Variants in PSD3 observed in about 807,000 individuals in gnomAD.
The protein encoded by PSD3 is PH and SEC7 domain-containing protein 3.
A neutral mutation model predicts 105.5 loss-of-function variants in PSD3; 49 were observed. That is an observed-to-expected ratio of 0.46 (90% CI 0.37 to 0.59). The LOEUF is 0.59. Ranked by LOEUF, PSD3 falls within the 20% of genes least tolerant of loss-of-function variation. PSD3 has a pLI of 0.00. For missense variants in PSD3, 1,561 were observed against 1,263.8 expected (o/e 1.24, Z -3.57); for synonymous variants, 557 against 457.8 (o/e 1.22, Z -2.77).
At chr8:18,579,749 C>A (rs1006353135) in intron 12 of PSD3, among the ~76,000 whole-genome samples, 15 of 152,092 alleles carry the variant, frequency 9.9e-5, no homozygotes, top group African/African-American at 1.4e-4. Context: ...ATATAAACTA[C>A]AATTTGGAAA....
At chr8:18,596,162 CA>C (rs35307260) in intron 12 of PSD3, among the ~76,000 whole-genome samples, 68 of 150,240 alleles carry the variant, frequency 4.5e-4, no homozygotes, top group African/African-American at 1.6e-3. Context: ...ATCAATGGGT[CA>C]AAAAAAAATC....
chr8:18,870,446 A>G (rs1378661252), intron 3 of PSD3, among the ~76,000 whole-genome samples: 1 of 152,146 alleles, frequency 6.6e-6, no homozygotes, highest in East Asian at 1.9e-4. Context: ...TTCAATCATA[A>G]AGGCCATAAA....
chr8:18,624,894 T>C (rs1806369200), intron 11 of PSD3, among the ~76,000 whole-genome samples: 1 of 152,018 alleles, frequency 6.6e-6, no homozygotes, highest in African/African-American at 2.4e-5. Flanking sequence ...AATATGTATG[T>C]ATATACGTAT....
chr8:19,043,110 G>A (rs1828182603), intron 1 of PSD3, among the ~76,000 whole-genome samples: 1 of 152,194 alleles, frequency 6.6e-6, no homozygotes, highest in African/African-American at 2.4e-5. Flanking sequence ...TAGAATTCCT[G>A]TAAAGACCCA....
At chr8:18,712,113 A>G (rs1311315095) in intron 9 of PSD3, among the ~76,000 whole-genome samples, 1 of 152,214 alleles carries the variant, frequency 6.6e-6, no homozygotes, top group African/African-American at 2.4e-5. Context: ...TCTCTGGGAC[A>G]CAGCTAAAGC....
intron 4 of PSD3, among the ~76,000 whole-genome samples, chr8:18,816,329 G>A (rs1812220658): frequency 6.6e-6 from 1 of 152,176 alleles, no homozygotes; most frequent in South Asian, 2.1e-4. Context: ...GAGGTATGGT[G>A]CAGTTAAATA....
intron 1 of PSD3, among the ~76,000 whole-genome samples, chr8:19,028,430 G>T (rs1827647103): frequency 6.6e-6 from 1 of 151,296 alleles, no homozygotes; most frequent in Non-Finnish European, 1.5e-5. Context: ...GTAACTCACT[G>T]CAGCCTCAAG....
At chr8:18,784,835 T>C (rs1416138875) in intron 8 of PSD3, among the ~76,000 whole-genome samples, 3 of 152,106 alleles carry the variant, frequency 2.0e-5, no homozygotes, top group East Asian at 1.9e-4. Context: ...CCAAACCCCA[T>C]ACTTTGGGTT....
chr8:18,966,932 A>C (rs1356277968), intron 1 of PSD3, among the ~76,000 whole-genome samples: 2 of 152,154 alleles, frequency 1.3e-5, no homozygotes, highest in Non-Finnish European at 2.9e-5. Context: ...GGGAGAAGGG[A>C]TGGTAGGTGC....
rs757985124 is a variant in PSD3 at position 18,871,642 on chromosome 8, C to T, written c.1222G>A (p.Glu408Lys). ...GGAGCTCACCTTTCCCTGTCTCTCT[C>T]TGGTTTAGGTGTCTTCTCAAGATGC... ...KQHLEKTPKP[E>K]RDRERISEQE... Residue 408 changes from glutamate (E) to lysine (K), a missense_variant, in exon 3 of 16, where the codon GAG becomes AAG. Physicochemically the swap from Glu to Lys is moderately conservative, Grantham distance 56. Coordinates refer to ENST00000327040, the MANE Select transcript of PSD3 (RefSeq NM_015310.4). The T allele has an allele frequency of 1.2e-6, 2 of 1,605,262 alleles. No homozygotes were observed. The highest frequency in any genetic ancestry group is 2.2e-5 in the South Asian group (2 of 89,376).
intron 1 of PSD3, among the ~76,000 whole-genome samples, chr8:19,082,106 A>G (rs1191893196): frequency 1.3e-5 from 2 of 152,232 alleles, no homozygotes; most frequent in Non-Finnish European, 2.9e-5. Context: ...TTTCAAGTCT[A>G]GATAGCACCT....
At chr8:18,696,302 TCA>T (rs1171118509) in intron 9 of PSD3, among the ~76,000 whole-genome samples, 6 of 152,216 alleles carry the variant, frequency 3.9e-5, no homozygotes, top group African/African-American at 1.4e-4. Context: ...GCCGGAAACT[TCA>T]CATTATCTCA....
chr8:18,534,453 A>G lies in PSD3; in HGVS notation c.*1290T>C, dbSNP rs1467344958. On this transcript the variant is annotated 3_prime_UTR_variant, in exon 16 of 16. Coordinates refer to ENST00000327040, the MANE Select transcript of PSD3 (RefSeq NM_015310.4). ...GAACAAGCTCATGACTGCAAAGTTAATAGAACCATTTTGAGTAGACAGAAA... is the reference window on the plus strand; with the variant it reads ...GAACAAGCTCATGACTGCAAAGTTAGTAGAACCATTTTGAGTAGACAGAAA... The G allele has an allele frequency of 2.0e-5, 3 of 152,634 alleles. No individual in the cohort carries two copies. The highest frequency in any genetic ancestry group is 2.9e-5 in the Non-Finnish European group (2 of 68,048). 9.5% of individuals were successfully genotyped at this position (152,634 alleles called of 1,614,324 possible).
At chr8:18,862,821 G>A (rs1816547625) in intron 4 of PSD3, among the ~76,000 whole-genome samples, 1 of 150,754 alleles carries the variant, frequency 6.6e-6, no homozygotes, top group Admixed American at 6.6e-5. Flanking sequence ...GAGAAAAACT[G>A]AGGAAGAAAG....
chr8:18,652,514 T>TTTTTTTTTTTC (rs1411168496), intron 10 of PSD3, among the ~76,000 whole-genome samples: 2 of 149,288 alleles, frequency 1.3e-5, no homozygotes, highest in Non-Finnish European at 3.0e-5. Context: ...TTTTTTTTTT[T>TTTTTTTTTTTC]TGAGACCAAG....
At chr8:18,609,173 AT>A (rs1805075008) in intron 11 of PSD3, among the ~76,000 whole-genome samples, 1 of 151,764 alleles carries the variant, frequency 6.6e-6, no homozygotes, top group Admixed American at 6.6e-5. Context: ...CAAAAAAACC[AT>A]TTTATTCCCC....
rs1827056741 is a variant in PSD3 at position 19,013,573 on chromosome 8, C to T, written c.11G>A (p.Arg4Lys). The T allele has an allele frequency of 9.1e-6, 14 of 1,545,202 alleles. No individual in the cohort carries two copies. The highest frequency in any genetic ancestry group is 9.5e-6 in the Non-Finnish European group (11 of 1,154,862). ...GGCCCCGGAGCTCACCGCTGCGCTC[C>T]TTCCTTCCATCTTCCATCGCCAGCC... MEG[R>K]SAAAETFVWV... Residue 4 changes from arginine (R) to lysine (K), a missense_variant, in exon 1 of 16, where the codon AGG becomes AAG. By Grantham distance (26) the Arg-to-Lys change is conservative. Transcript: ENST00000327040.
At chr8:19,083,262 G>T (rs1052640249) in intron 1 of PSD3, among the ~76,000 whole-genome samples, 1 of 152,180 alleles carries the variant, frequency 6.6e-6, no homozygotes, top group Non-Finnish European at 1.5e-5. Context: ...AAAGCTGAAT[G>T]CATAATTTTA....
intron 9 of PSD3, among the ~76,000 whole-genome samples, chr8:18,671,911 G>C (rs143928634): frequency 2.0e-5 from 3 of 152,134 alleles, no homozygotes; most frequent in African/African-American, 4.8e-5. Context: ...AATTACAGGC[G>C]TGAGCCACTG....
Sources: gnomAD v4.1 joint callset for allele counts (sites outside exome capture counted in the v4.1 genomes callset) on GRCh38, gnomAD v4.1.1 for gene constraint, MANE v1.5 for transcripts, NCBI Gene and HGNC (gene_info 2026-07-23, HGNC 2026-07-21) for gene names.